Variants in PRKG1 observed in about 807,000 individuals in gnomAD.
PRKG1 encodes the protein cGMP-dependent protein kinase 1.
PRKG1 carries 35 observed loss-of-function variants against 88.1 expected under a neutral mutation model. The observed-to-expected ratio is 0.40, with a 90% confidence interval of 0.30 to 0.53. The LOEUF (loss-of-function observed/expected upper bound fraction) is 0.53, where lower values mean the gene tolerates loss of function less well. Ranked by LOEUF, PRKG1 falls within the 20% of genes least tolerant of loss-of-function variation. PRKG1 has a pLI of 0.59. For missense variants in PRKG1, 540 were observed against 839.8 expected (o/e 0.64, Z 4.41); for synonymous variants, 303 against 292.5 (o/e 1.04, Z -0.37).
At chr10:51,868,787 T>G (rs1257296014) in intron 4 of PRKG1, among the ~76,000 whole-genome samples, 1 of 152,200 alleles carries the variant, frequency 6.6e-6, no homozygotes, top group African/African-American at 2.4e-5. Context: ...CCCAAAGGCC[T>G]GTATTAATAT....
At chr10:51,727,447 C>T (rs775947982) in intron 3 of PRKG1, among the ~76,000 whole-genome samples, 79 of 152,236 alleles carry the variant, frequency 5.2e-4, no homozygotes, top group Non-Finnish European at 9.9e-4. Flanking sequence ...ATGTGTCACT[C>T]TTAGCAGACT....
intron 5 of PRKG1, among the ~76,000 whole-genome samples, chr10:51,947,541 A>G (rs1176233336): frequency 1.3e-5 from 2 of 151,730 alleles, no homozygotes; most frequent in East Asian, 3.9e-4. Context: ...TGCAGAAATC[A>G]CCCGTCTTCT....
At chr10:51,036,448 C>G (rs757178152) in intron 1 of PRKG1, among the ~76,000 whole-genome samples, 16 of 151,914 alleles carry the variant, frequency 1.1e-4, no homozygotes, top group Non-Finnish European at 2.1e-4. Context: ...GGATATGAAG[C>G]TTGGGGTGAC....
At chr10:51,474,516 A>G (rs759310277) in intron 3 of PRKG1, among the ~76,000 whole-genome samples, 1 of 152,024 alleles carries the variant, frequency 6.6e-6, no homozygotes, top group South Asian at 2.1e-4. Context: ...ACAATGGGCA[A>G]TCAGAACCTA....
chr10:52,208,383 C>T (rs1808464776), intron 9 of PRKG1, among the ~76,000 whole-genome samples: 1 of 152,192 alleles, frequency 6.6e-6, no homozygotes. Flanking sequence ...AAAGCACTGA[C>T]AAGACCTATT....
chr10:52,110,566 G>C (rs922746782), intron 7 of PRKG1, among the ~76,000 whole-genome samples: 1 of 152,192 alleles, frequency 6.6e-6, no homozygotes, highest in African/African-American at 2.4e-5. Flanking sequence ...GGCAGGGAGG[G>C]AAGATAGGAA....
intron 4 of PRKG1, among the ~76,000 whole-genome samples, chr10:51,817,232 A>G (rs1384059506): frequency 6.6e-6 from 1 of 152,070 alleles, no homozygotes; most frequent in African/African-American, 2.4e-5. Flanking sequence ...GTTCTGGGAT[A>G]CATGTGCAGA....
chr10:51,217,017 A>T (rs1838389250), intron 2 of PRKG1, among the ~76,000 whole-genome samples: 1 of 152,298 alleles, frequency 6.6e-6, no homozygotes, highest in Non-Finnish European at 1.5e-5. Flanking sequence ...TAAATAAAAA[A>T]TAAGAAAATG....
intron 2 of PRKG1, among the ~76,000 whole-genome samples, chr10:51,354,760 TA>T (rs778338544): frequency 6.6e-6 from 1 of 152,106 alleles, no homozygotes; most frequent in Non-Finnish European, 1.5e-5. Flanking sequence ...TTCATAATAC[TA>T]AAACTTTTAA....
At chr10:51,221,848 A>AT (rs1838540338) in intron 2 of PRKG1, among the ~76,000 whole-genome samples, 1 of 145,240 alleles carries the variant, frequency 6.9e-6, no homozygotes, top group Admixed American at 6.8e-5. Flanking sequence ...TCCCCTTTAT[A>AT]TTTTTGTTTC....
At chr10:52,144,080 C>A (rs1837659059) in intron 8 of PRKG1, among the ~76,000 whole-genome samples, 1 of 152,016 alleles carries the variant, frequency 6.6e-6, no homozygotes, top group African/African-American at 2.4e-5. Flanking sequence ...AACATGAGAG[C>A]CAAGTTGTTA....
chr10:51,196,009 G>A (rs941221507), intron 2 of PRKG1, among the ~76,000 whole-genome samples: 14 of 152,098 alleles, frequency 9.2e-5, no homozygotes, highest in African/African-American at 2.9e-4. Flanking sequence ...CTTCAATCTT[G>A]TAAATTCTAA....
At chr10:51,886,230 T>G (rs940500573) in intron 4 of PRKG1, among the ~76,000 whole-genome samples, 2 of 152,172 alleles carry the variant, frequency 1.3e-5, no homozygotes, top group African/African-American at 2.4e-5. Flanking sequence ...CAGCCACAAT[T>G]TCTTACAAAA....
At chr10:51,723,953 T>C (rs1842072535) in intron 3 of PRKG1, among the ~76,000 whole-genome samples, 1 of 152,178 alleles carries the variant, frequency 6.6e-6, no homozygotes, top group Admixed American at 6.5e-5. Flanking sequence ...GGTGGACTTG[T>C]GGACTTAATT....
At position 52,043,931 on chromosome 10, in the gene PRKG1, A is replaced by AAC. The variant is rs550176979; in HGVS notation, c.763-10553_763-10552insAC. The stretch of plus-strand genomic sequence containing the variant: ...AGTTAAACATAGAAAAAAAAAAAAA[A>AAC]CCCAAGCATTTGTGGAATTTCAGCC... On this transcript the variant is annotated intron_variant, in intron 5 of 17. Transcript: ENST00000373980. Among the ~76,000 whole-genome samples the AAC allele has an allele frequency of 5.5e-4, 83 of 149,668 alleles. No homozygotes were observed. The East Asian group carries it at 7.1e-3, about 13-fold the overall frequency.
chr10:52,189,498 G>C (rs920874307), intron 9 of PRKG1, among the ~76,000 whole-genome samples: 1 of 152,064 alleles, frequency 6.6e-6, no homozygotes, highest in African/African-American at 2.4e-5. Flanking sequence ...TCAGATCCGC[G>C]GCATTAGATT....
intron 3 of PRKG1, among the ~76,000 whole-genome samples, chr10:51,679,827 C>T (rs1840802539): frequency 6.9e-6 from 1 of 145,942 alleles, no homozygotes; most frequent in South Asian, 2.2e-4. Context: ...CACCCACTAA[C>T]GTGTCATCTA....
At chr10:51,942,323 T>C (rs1228211571) in intron 5 of PRKG1, among the ~76,000 whole-genome samples, 1 of 152,052 alleles carries the variant, frequency 6.6e-6, no homozygotes, top group Non-Finnish European at 1.5e-5. Context: ...TGTAAATTTG[T>C]TTGAGTTCAT....
intron 3 of PRKG1, among the ~76,000 whole-genome samples, chr10:51,717,786 T>C (rs1328248207): frequency 5.3e-5 from 8 of 150,448 alleles, no homozygotes; most frequent in African/African-American, 2.0e-4. Context: ...GAGCTGAGAT[T>C]ATGCCACTGC....
Sources: gnomAD v4.1 joint callset for allele counts (sites outside exome capture counted in the v4.1 genomes callset) on GRCh38, gnomAD v4.1.1 for gene constraint, MANE v1.5 for transcripts, NCBI Gene and HGNC (gene_info 2026-07-23, HGNC 2026-07-21) for gene names.